The following CACNA2D3 variants were observed in gnomAD, a reference collection of about 807,000 sequenced individuals.
CACNA2D3 encodes voltage-dependent calcium channel subunit alpha-2/delta-3.
In CACNA2D3, 60 loss-of-function variants were observed where a neutral mutation model predicts 160.6. The ratio of observed to expected loss-of-function variants is 0.37; its 90% CI spans 0.30 to 0.46. CACNA2D3 has a LOEUF of 0.46. Ranked by LOEUF, CACNA2D3 falls within the 20% of genes least tolerant of loss-of-function variation. The probability of loss-of-function intolerance (pLI) is 1.00; values close to 1 mark genes in which losing one functional copy is unlikely to be tolerated. For synonymous variants in CACNA2D3, 558 were observed against 492.9 expected, an observed-to-expected ratio of 1.13 and a Z score of -1.75; for missense variants, 1,205 against 1,365.0, an observed-to-expected ratio of 0.88 and a Z score of 1.85.
In CACNA2D3 at chr3:54,149,927, CTCTCCCT is replaced by C. The variant is rs1700112102; in HGVS notation, c.204+26334_204+26340del. Among the ~76,000 whole-genome samples, 27 of 66,388 alleles carry C rather than the reference CTCTCCCT, an allele frequency of 4.1e-4. 2 individuals carry two copies. The highest frequency in any genetic ancestry group is 1.8e-3 in the African/African-American group (26 of 14,852). The allele number at this position is 66,388 out of a possible 152,430, so 43.6% of individuals were successfully genotyped here. A position where few individuals can be genotyped will look rare whatever the true frequency, so the allele number is the denominator to read the frequency against. On this transcript the variant is annotated intron_variant, in intron 2 of 37. Coordinates refer to ENST00000474759, the MANE Select transcript of CACNA2D3 (RefSeq NM_018398.3). ...TCTCTCTCTCTCTCTCTCTCTCTCT[CTCTCCCT>C]CCCTCCCTCCCTCCCTCCCTCCCTC...
intron 13 of CACNA2D3, among the ~76,000 whole-genome samples, chr3:54,764,947 A>G (rs561028803): frequency 7.2e-5 from 11 of 152,202 alleles, no homozygotes; most frequent in Non-Finnish European, 1.3e-4. Flanking sequence ...GAGCTTTGCC[A>G]ATCATCAAGT....
At chr3:54,863,210 T>C (rs1253962036) in intron 17 of CACNA2D3, among the ~76,000 whole-genome samples, 4 of 152,212 alleles carry the variant, frequency 2.6e-5, no homozygotes, top group African/African-American at 9.6e-5. Flanking sequence ...GTCTTGCATC[T>C]AACTTTTGTC....
chr3:54,240,437 G>A (rs1468979264), intron 2 of CACNA2D3, among the ~76,000 whole-genome samples: 1 of 152,146 alleles, frequency 6.6e-6, no homozygotes, highest in Non-Finnish European at 1.5e-5. Flanking sequence ...ACCCTCTGCT[G>A]CTTCAGCATA....
intron 2 of CACNA2D3, among the ~76,000 whole-genome samples, chr3:54,128,047 A>G (rs1303317566): frequency 1.3e-5 from 2 of 152,142 alleles, no homozygotes; most frequent in Admixed American, 6.5e-5. Context: ...ATGCTACTCA[A>G]AATTAAGGGA....
intron 6 of CACNA2D3, among the ~76,000 whole-genome samples, chr3:54,563,594 G>A (rs966213262): frequency 4.6e-5 from 7 of 152,130 alleles, no homozygotes; most frequent in Admixed American, 3.9e-4. Context: ...GGCTTGGTTT[G>A]AATTTTAATT....
chr3:54,511,175 C>A (rs921768707), intron 5 of CACNA2D3, among the ~76,000 whole-genome samples: 3 of 152,232 alleles, frequency 2.0e-5, no homozygotes, highest in Non-Finnish European at 4.4e-5. Flanking sequence ...GGCTCCATGG[C>A]TGCCATGTCT....
intron 27 of CACNA2D3, among the ~76,000 whole-genome samples, chr3:54,941,571 A>C (rs1315030071): frequency 6.6e-6 from 1 of 152,186 alleles, no homozygotes; most frequent in Admixed American, 6.5e-5. Flanking sequence ...TGGGTTTTTC[A>C]ATATCTATCA....
At chr3:54,400,267 G>A (rs1293863308) in intron 4 of CACNA2D3, among the ~76,000 whole-genome samples, 6 of 151,590 alleles carry the variant, frequency 4.0e-5, no homozygotes, top group Non-Finnish European at 5.9e-5. Context: ...CTTCTGTGTC[G>A]CTCACGCTGG....
At chr3:54,275,700 C>T (rs1240894003) in intron 2 of CACNA2D3, among the ~76,000 whole-genome samples, 1 of 152,130 alleles carries the variant, frequency 6.6e-6, no homozygotes, top group African/African-American at 2.4e-5. Flanking sequence ...TCACTGCAAC[C>T]TCCGCCTTCT....
At chr3:55,061,788 C>G (rs914905768) in intron 35 of CACNA2D3, among the ~76,000 whole-genome samples, 1 of 152,218 alleles carries the variant, frequency 6.6e-6, no homozygotes, top group Non-Finnish European at 1.5e-5. Flanking sequence ...CCATTGCTTT[C>G]TCCAGGGGAA....
intron 11 of CACNA2D3, among the ~76,000 whole-genome samples, chr3:54,664,808 A>G (rs1276280288): frequency 6.6e-6 from 1 of 152,154 alleles, no homozygotes; most frequent in Admixed American, 6.5e-5. Flanking sequence ...GGAGCTCAGC[A>G]AGGAGGGAGC....
At chr3:54,185,346 A>C (rs1053760897) in intron 2 of CACNA2D3, among the ~76,000 whole-genome samples, 2 of 152,092 alleles carry the variant, frequency 1.3e-5, no homozygotes, top group Non-Finnish European at 2.9e-5. Flanking sequence ...AATTTTGAGA[A>C]ATTCTACTTT....
At chr3:54,686,961 T>TA (rs1198857288) in intron 11 of CACNA2D3, among the ~76,000 whole-genome samples, 1 of 152,064 alleles carries the variant, frequency 6.6e-6, no homozygotes, top group Non-Finnish European at 1.5e-5. Flanking sequence ...AACTACTTAA[T>TA]AAAAAGGGCT....
intron 9 of CACNA2D3, 43 bp downstream of exon 9, chr3:54,581,920 T>G: frequency 6.6e-7 from 1 of 1,507,338 alleles, no homozygotes; most frequent in Non-Finnish European, 9.2e-7. Flanking sequence ...GGTACACCCC[T>G]GTCTCCCTCA....
chr3:54,941,572 A>T (rs181605248), intron 27 of CACNA2D3, among the ~76,000 whole-genome samples: 135 of 152,304 alleles, frequency 8.9e-4, no homozygotes, highest in Non-Finnish European at 3.5e-4. Context: ...GGGTTTTTCA[A>T]TATCTATCAT....
At chr3:54,267,004 T>G (rs1321879550) in intron 2 of CACNA2D3, among the ~76,000 whole-genome samples, 1 of 152,166 alleles carries the variant, frequency 6.6e-6, no homozygotes, top group Non-Finnish European at 1.5e-5. Context: ...TACATTTTAA[T>G]GTGAAATGGG....
chr3:54,852,019 T>G (rs1213183264), intron 17 of CACNA2D3, among the ~76,000 whole-genome samples: 1 of 152,204 alleles, frequency 6.6e-6, no homozygotes, highest in Admixed American at 6.5e-5. Context: ...TTATAGGACC[T>G]CCTCTTTCCT....
chr3:54,717,601 CGTGTGTGTG>C (rs1701076338), intron 11 of CACNA2D3, among the ~76,000 whole-genome samples: 1 of 115,852 alleles, frequency 8.6e-6, no homozygotes, highest in Admixed American at 9.7e-5. Context: ...TGCATACATT[CGTGTGTGTG>C]GTGTGTGTAG....
chr3:54,547,414 G>C (rs1403578613), intron 5 of CACNA2D3, among the ~76,000 whole-genome samples: 1 of 152,122 alleles, frequency 6.6e-6, no homozygotes, highest in Non-Finnish European at 1.5e-5. Flanking sequence ...GGAACTCTGG[G>C]AGGGGCCAGA....
Sources: allele counts gnomAD v4.1 joint callset (sites outside exome capture counted in the v4.1 genomes callset), GRCh38; gene constraint gnomAD v4.1.1; transcripts MANE v1.5; gene names NCBI Gene and HGNC (gene_info 2026-07-23, HGNC 2026-07-21).